Variants in CNBD1 observed in about 807,000 individuals in gnomAD.
CNBD1 encodes cyclic nucleotide-binding domain-containing protein 1.
In CNBD1, 71 loss-of-function variants were observed where a neutral mutation model predicts 54.4. The observed-to-expected ratio is 1.30, with a 90% CI of 1.08 to 1.59. The LOEUF (loss-of-function observed/expected upper bound fraction) is 1.59, where lower values mean the gene tolerates loss of function less well. Among genes scored for constraint, CNBD1 ranks in the 40% most tolerant of loss-of-function variants. CNBD1 has a pLI of 0.00. For missense variants in CNBD1, 659 were observed against 518.0 expected, an observed-to-expected ratio of 1.27 and a Z score of -2.64; for synonymous variants, 182 against 170.7, an observed-to-expected ratio of 1.07 and a Z score of -0.51.
chr8:86,963,813 G>T (rs1034269247), intron 4 of CNBD1, among the ~76,000 whole-genome samples: 20 of 152,136 alleles, frequency 1.3e-4, no homozygotes, highest in Non-Finnish European at 2.9e-4. Context: ...GGCAATGACA[G>T]TCTGAACCAC....
chr8:86,948,155 C>A (rs1403132157), intron 4 of CNBD1, among the ~76,000 whole-genome samples: 1 of 152,062 alleles, frequency 6.6e-6, no homozygotes. Context: ...TTTATCCATT[C>A]TTCTGTTGAT....
At chr8:87,018,256 AAAAAC>A (rs753171591) in intron 4 of CNBD1, among the ~76,000 whole-genome samples, 1 of 152,204 alleles carries the variant, frequency 6.6e-6, no homozygotes, top group Admixed American at 6.5e-5. Context: ...AAACAAAACA[AAAAAC>A]AAAACAAAAA....
At chr8:87,030,549 T>A (rs996712961) in intron 4 of CNBD1, among the ~76,000 whole-genome samples, 11 of 152,204 alleles carry the variant, frequency 7.2e-5, no homozygotes, top group Non-Finnish European at 1.3e-4. Context: ...GCTCTTTTTT[T>A]AATCTTCTCT....
At chr8:87,112,262 G>C (rs200137787) in intron 4 of CNBD1, among the ~76,000 whole-genome samples, 1 of 152,142 alleles carries the variant, frequency 6.6e-6, no homozygotes, top group South Asian at 2.1e-4. Flanking sequence ...CATTGCCAGG[G>C]CGTTCAATTT....
At chr8:87,370,736 A>T (rs866691411) in intron 10 of CNBD1, among the ~76,000 whole-genome samples, 13 of 147,964 alleles carry the variant, frequency 8.8e-5, no homozygotes, top group South Asian at 2.1e-4. Flanking sequence ...GTTTAATTAG[A>T]TCCCATTTGT....
intron 8 of CNBD1, among the ~76,000 whole-genome samples, chr8:87,309,950 C>T (rs1809230220): frequency 6.6e-6 from 1 of 152,104 alleles, no homozygotes; most frequent in South Asian, 2.1e-4. Flanking sequence ...AAAAACTTTG[C>T]CACCAGTCCC....
intron 4 of CNBD1, among the ~76,000 whole-genome samples, chr8:87,019,382 A>G (rs1362977984): frequency 6.6e-6 from 1 of 152,182 alleles, no homozygotes; most frequent in Non-Finnish European, 1.5e-5. Context: ...GACACTGTAG[A>G]TTTATATAAC....
intron 10 of CNBD1, among the ~76,000 whole-genome samples, chr8:87,369,307 G>A (rs564306380): frequency 2.6e-5 from 4 of 151,926 alleles, no homozygotes. Context: ...TTCCGTACAT[G>A]CTGTTTGAGT....
chr8:86,976,902 C>T (rs1347577693), intron 4 of CNBD1, among the ~76,000 whole-genome samples: 2 of 151,930 alleles, frequency 1.3e-5, no homozygotes, highest in African/African-American at 4.8e-5. Flanking sequence ...ACTAAGTTTG[C>T]TTATGAGTTT....
At chr8:87,254,107 C>G (rs117733240) in intron 6 of CNBD1, among the ~76,000 whole-genome samples, 1,815 of 152,248 alleles carry the variant, frequency 0.012, 16 homozygotes, top group Middle Eastern at 0.031. Flanking sequence ...AAATGGAGAA[C>G]AGTTTAGGAA....
At chr8:86,940,717 A>G (rs1203825871) in intron 4 of CNBD1, among the ~76,000 whole-genome samples, 1 of 152,136 alleles carries the variant, frequency 6.6e-6, no homozygotes, top group African/African-American at 2.4e-5. Context: ...GTGATATTAG[A>G]ATTGAGATTG....
chr8:87,023,072 C>T (rs1302867174), intron 4 of CNBD1, among the ~76,000 whole-genome samples: 1 of 152,156 alleles, frequency 6.6e-6, no homozygotes, highest in Non-Finnish European at 1.5e-5. Flanking sequence ...CAGCTCCTAA[C>T]TAGGGAGGTA....
chr8:87,363,709 T>G (rs1221353268), intron 10 of CNBD1, among the ~76,000 whole-genome samples: 2 of 152,238 alleles, frequency 1.3e-5, no homozygotes, highest in East Asian at 3.9e-4. Context: ...TTGTTTGTTT[T>G]TTTCTTGTGA....
intron 6 of CNBD1, among the ~76,000 whole-genome samples, chr8:87,244,970 T>C (rs957941622): frequency 3.3e-5 from 5 of 150,910 alleles, no homozygotes; most frequent in Non-Finnish European, 7.4e-5. Context: ...GCTTTATTCT[T>C]AAAATAAAAT....
intron 4 of CNBD1, among the ~76,000 whole-genome samples, chr8:87,001,565 A>G (rs954520359): frequency 6.6e-6 from 1 of 152,152 alleles, no homozygotes; most frequent in Non-Finnish European, 1.5e-5. Flanking sequence ...AATGAGCTAA[A>G]GTTGAATGAG....
chr8:87,023,893 C>T (rs541062381), intron 4 of CNBD1, among the ~76,000 whole-genome samples: 1 of 152,182 alleles, frequency 6.6e-6, no homozygotes, highest in Non-Finnish European at 1.5e-5. Flanking sequence ...TCAAATTATA[C>T]ATTTTATTTG....
chr8:86,963,897 C>A (rs560143459), intron 4 of CNBD1, among the ~76,000 whole-genome samples: 1 of 152,166 alleles, frequency 6.6e-6, no homozygotes, highest in Non-Finnish European at 1.5e-5. Context: ...CTGGACCTTG[C>A]CACCCATGTC....
chr8:87,051,693 T>C (rs1810314699), intron 4 of CNBD1, among the ~76,000 whole-genome samples: 2 of 152,222 alleles, frequency 1.3e-5, no homozygotes, highest in South Asian at 4.1e-4. Context: ...TGCTATTGTT[T>C]GTGGTTTAAG....
rs137998336 is a variant in CNBD1 at position 87,364,518 on chromosome 8, G to A, written c.1303+10732G>A. 5.1e-3 allele frequency among the ~76,000 whole-genome samples: 768 copies of A among 151,374 alleles called. 5 individuals are homozygous for A. The highest frequency in any genetic ancestry group is 0.018 in the African/African-American group (744 of 41,290). On this transcript the variant is annotated intron_variant, in intron 10 of 10. Coordinates refer to ENST00000518476, the MANE Select transcript of CNBD1 (RefSeq NM_173538.3). Reference sequence around the variant, plus strand: ...TTTAAATTTTATTTTATGTTCAGAAGTACATGTGCAAGTTTGTTATATAGG... The same window carrying A: ...TTTAAATTTTATTTTATGTTCAGAAATACATGTGCAAGTTTGTTATATAGG...
Sources: gnomAD v4.1 joint callset for allele counts (sites outside exome capture counted in the v4.1 genomes callset) on GRCh38, gnomAD v4.1.1 for gene constraint, MANE v1.5 for transcripts, NCBI Gene and HGNC (gene_info 2026-07-23, HGNC 2026-07-21) for gene names.